CLEC16A: variants seen among roughly 807,000 people sequenced by gnomAD.
CLEC16A encodes C-type lectin domain containing 16A.
In CLEC16A, 51 loss-of-function variants were observed where a neutral mutation model predicts 109.5. That is an observed-to-expected ratio of 0.47 (90% CI 0.37 to 0.59). The LOEUF (loss-of-function observed/expected upper bound fraction) is 0.59, where lower values mean the gene tolerates loss of function less well. Among genes scored for constraint, CLEC16A ranks in the 20% least tolerant of loss-of-function variants. CLEC16A has a pLI of 0.00. For missense variants in CLEC16A, 1,339 were observed against 1,394.0 expected, an observed-to-expected ratio of 0.96 and a Z score of 0.63; for synonymous variants, 673 against 564.2, an observed-to-expected ratio of 1.19 and a Z score of -2.73.
chr16:11,122,020 G>T (rs1022092658), intron 20 of CLEC16A, among the ~76,000 whole-genome samples: 4 of 152,012 alleles, frequency 2.6e-5, no homozygotes, highest in African/African-American at 7.2e-5. Context: ...CCTTGTCCCT[G>T]GATGTCCAGC....
intron 13 of CLEC16A, among the ~76,000 whole-genome samples, chr16:11,038,939 A>G (rs1189626481): frequency 6.6e-6 from 1 of 152,030 alleles, no homozygotes; most frequent in Non-Finnish European, 1.5e-5. Flanking sequence ...TTCCTCCTAC[A>G]TGTGTTGAGG....
rs1242286223 is a variant in CLEC16A at position 10,985,862 on chromosome 16, C to T, written c.1071+2871C>T. The stretch of plus-strand genomic sequence containing the variant: ...CTGGGATTACAGGCATGTGCCACCA[C>T]GCCCAGCTAATTTTTGTATTTTTAG... On this transcript the variant is annotated intron_variant, in intron 10 of 23. Transcript: ENST00000409790. Among the ~76,000 whole-genome samples the T allele has an allele frequency of 5.8e-5, 8 of 138,886 alleles. No individual in the cohort carries two copies. The East Asian group carries it at 1.5e-3, about 26-fold the overall frequency. The allele number at this position is 138,886 out of a possible 152,430, so 91.1% of individuals were successfully genotyped here.
chr16:11,062,148 AG>A (rs2048516112), intron 19 of CLEC16A, among the ~76,000 whole-genome samples: 2 of 151,784 alleles, frequency 1.3e-5, no homozygotes, highest in African/African-American at 4.8e-5. Context: ...GCTGGGAGGG[AG>A]GGAGGGCCAG....
intron 21 of CLEC16A, among the ~76,000 whole-genome samples, chr16:11,124,160 C>T (rs1210714120): frequency 6.6e-6 from 1 of 152,234 alleles, no homozygotes; most frequent in Non-Finnish European, 1.5e-5. Context: ...GAGGAGCTCT[C>T]CCTAGCAGGC....
rs199753048 is a variant in CLEC16A, at chr16:11,178,553, C to G, written c.3025C>G (p.Leu1009Val). Residue 1009 changes from leucine (L) to valine (V), a missense_variant, in exon 24 of 24, where the codon CTT (leucine) becomes GTT (valine). Physicochemically the swap from Leu to Val is conservative, Grantham distance 32. Coordinates refer to ENST00000409790, the MANE Select transcript of CLEC16A (RefSeq NM_015226.3). This position sits in a 1 kb window ranked among gnomAD's most constrained non-coding sequence, Gnocchi z 6.5. Reference sequence around the variant, plus strand: ...CACGCTGAGCGTCGAATCGCTGACCCTTGTCCCCCCAGTTGACCCCCACAG... The same window carrying G: ...CACGCTGAGCGTCGAATCGCTGACCGTTGTCCCCCCAGTTGACCCCCACAG... The part of the protein sequence containing the change: ...ADTLSVESLT[L>V]VPPVDPHSLR... 7.4e-6 allele frequency: 12 copies of G among 1,612,638 alleles called. No individual in the cohort carries two copies. The highest frequency in any genetic ancestry group is 9.3e-6 in the Non-Finnish European group (11 of 1,179,844).
Position 11,003,208 on chromosome 16 carries a change from G to A in CLEC16A, c.1206G>A (p.Glu402=). ...NYKNVGEEED[E]EKGPTEDAQE... is the part of the protein sequence containing the mutation. ...AAAACGTTGGGGAAGAAGAAGATGA[G>A]GAGAAAGGGCCCACCGAGGATGCCC... The change falls in exon 11 of 24, where the codon GAG becomes GAA. Residue 402 remains glutamate (E), a synonymous_variant. Transcript: ENST00000409790. The A allele has an allele frequency of 6.2e-7, 1 of 1,613,518 alleles. No homozygotes were observed. The highest frequency in any genetic ancestry group is 8.5e-7 in the Non-Finnish European group (1 of 1,179,826).
Position 11,126,082 on chromosome 16 carries a change from G to C in CLEC16A, c.2577G>C (p.Gly859=). ...QHLPFRFYDQ[G]RRGSSDPTVQ... is the part of the protein sequence containing the mutation. The stretch of plus-strand genomic sequence containing the variant: ...TGCCTTTCCGCTTCTACGACCAGGG[G>C]CGCCGGGGCAGCAGCGACCCCACAG... Residue 859 remains glycine (G), a synonymous_variant, in exon 22 of 24, where the codon GGG becomes GGC. Transcript: ENST00000409790. 2 of 1,613,902 alleles carry C rather than the reference G, an allele frequency of 1.2e-6. No individual in the cohort carries two copies. Among genetic ancestry groups the C allele is most frequent in the Non-Finnish European group, 1.7e-6 (2 of 1,179,878 alleles).
At chr16:10,948,051 G>C (rs1024788105) in intron 1 of CLEC16A, among the ~76,000 whole-genome samples, 1 of 151,878 alleles carries the variant, frequency 6.6e-6, no homozygotes, top group East Asian at 1.9e-4. Flanking sequence ...CCGCCACCAC[G>C]CCCAGCTAAT....
intron 23 of CLEC16A, among the ~76,000 whole-genome samples, chr16:11,171,658 A>G (rs774348292): frequency 3.3e-5 from 5 of 152,228 alleles, no homozygotes; most frequent in Non-Finnish European, 5.9e-5. Context: ...TGCAAAGAAT[A>G]TACAGCGGGA....
intron 22 of CLEC16A, among the ~76,000 whole-genome samples, chr16:11,132,877 A>G (rs547828636): frequency 6.6e-6 from 1 of 152,136 alleles, no homozygotes; most frequent in African/African-American, 2.4e-5. Context: ...GGGACAGAGG[A>G]TGGGGCTGGA....
At chr16:11,141,303 G>A (rs1391686789) in intron 22 of CLEC16A, among the ~76,000 whole-genome samples, 1 of 152,264 alleles carries the variant, frequency 6.6e-6, no homozygotes, top group Non-Finnish European at 1.5e-5. Flanking sequence ...CCTTCTTCCA[G>A]CCAGTGCACA....
chr16:11,065,425 C>T (rs1265783870), intron 19 of CLEC16A, among the ~76,000 whole-genome samples: 3 of 152,206 alleles, frequency 2.0e-5, no homozygotes, highest in East Asian at 3.8e-4. Context: ...AAAATCAATT[C>T]GTGAAGCCCA....
In CLEC16A at chr16:10,980,034, ACT is replaced by A. The variant is rs1319578242; in HGVS notation, c.957+656_957+657del. Reference sequence around the variant, plus strand: ...AATATTTTTATTACAAGCAGTCCAGACTCTCAGGGCATCTCATTAGACTATTA... The same window carrying A: ...AATATTTTTATTACAAGCAGTCCAGACTCAGGGCATCTCATTAGACTATTA... On this transcript the variant is annotated intron_variant, in intron 9 of 23. Coordinates refer to ENST00000409790, the MANE Select transcript of CLEC16A (RefSeq NM_015226.3). 8.5e-5 allele frequency among the ~76,000 whole-genome samples: 13 copies of A among 152,210 alleles called. No individual in the cohort carries two copies. The East Asian group carries it at 2.5e-3, about 29-fold the overall frequency.
At chr16:10,958,178 T>G (rs2042081224) in intron 2 of CLEC16A, among the ~76,000 whole-genome samples, 1 of 152,194 alleles carries the variant, frequency 6.6e-6, no homozygotes, top group Non-Finnish European at 1.5e-5. Context: ...TTGTGTCTGA[T>G]TATTTTCCCA....
At chr16:11,143,350 C>T (rs1277224625) in intron 22 of CLEC16A, among the ~76,000 whole-genome samples, 1 of 152,134 alleles carries the variant, frequency 6.6e-6, no homozygotes, top group Non-Finnish European at 1.5e-5. Flanking sequence ...GGGATGGCAC[C>T]AGGTTCCAGA....
At chr16:10,975,833 A>T (rs2043006713) in intron 7 of CLEC16A, among the ~76,000 whole-genome samples, 1 of 151,824 alleles carries the variant, frequency 6.6e-6, no homozygotes, top group Admixed American at 6.6e-5. Context: ...TAATATTTTT[A>T]GTAGAGACGG....
At chr16:10,957,363 C>T (rs1336569723) in intron 1 of CLEC16A, among the ~76,000 whole-genome samples, 1 of 152,270 alleles carries the variant, frequency 6.6e-6, no homozygotes, top group Non-Finnish European at 1.5e-5. Context: ...CCAGCCTGAG[C>T]TGTATGTCCC....
chr16:11,000,462 G>A lies in CLEC16A; in HGVS notation c.1072-2612G>A, dbSNP rs967286730. Among the ~76,000 whole-genome samples, 5 of 152,222 alleles carry A rather than the reference G, an allele frequency of 3.3e-5. No individual in the cohort carries two copies. The East Asian group carries it at 7.7e-4, about 23-fold the overall frequency. On this transcript the variant is annotated intron_variant, in intron 10 of 23. Transcript: ENST00000409790. Reference sequence around the variant, plus strand: ...TGAAAGCTTTGATTGCTGTGTGGCCGGCTCTGAAATTCACTAGGAGTTGGC... The same window carrying A: ...TGAAAGCTTTGATTGCTGTGTGGCCAGCTCTGAAATTCACTAGGAGTTGGC...
intron 19 of CLEC16A, among the ~76,000 whole-genome samples, chr16:11,072,266 C>T (rs1219930648): frequency 4.6e-5 from 7 of 152,058 alleles, no homozygotes; most frequent in Admixed American, 2.6e-4. Context: ...ACTACTGGCA[C>T]GTGCCACCAT....
Sources: gnomAD v4.1 joint callset for allele counts (sites outside exome capture counted in the v4.1 genomes callset) on GRCh38, gnomAD v4.1.1 for gene constraint, Gnocchi (gnomAD v3.1) non-coding constraint, MANE v1.5 for transcripts, NCBI Gene and HGNC (gene_info 2026-07-23, HGNC 2026-07-21) for gene names.